The following FGF23 variants were observed in gnomAD, a reference collection of about 807,000 sequenced individuals.
FGF23 encodes the protein fibroblast growth factor 23.
A neutral mutation model predicts 9.0 loss-of-function variants in FGF23; 8 were observed. The ratio of observed to expected loss-of-function variants is 0.89; its 90% confidence interval spans 0.52 to 1.60. FGF23 has a LOEUF of 1.60. Among genes scored for constraint, FGF23 ranks in the 40% most tolerant of loss-of-function variants. The probability of loss-of-function intolerance (pLI) is 0.00; values close to 1 mark genes in which losing one functional copy is unlikely to be tolerated. For missense variants in FGF23, 311 were observed against 344.3 expected, an observed-to-expected ratio of 0.90 and a Z score of 0.77; for synonymous variants, 118 against 146.2, an observed-to-expected ratio of 0.81 and a Z score of 1.39.
intron 2 of FGF23, 82 bp from the exon 3 acceptor site, chr12:4,370,865 T>A: frequency 8.5e-7 from 1 of 1,179,340 alleles, no homozygotes; most frequent in Non-Finnish European, 1.3e-6. Flanking sequence ...GCCACATGCT[T>A]GTGCCAGCCG....
chr12:4,376,799 G>A (rs994518397), intron 1 of FGF23, among the ~76,000 whole-genome samples: 2 of 152,194 alleles, frequency 1.3e-5, no homozygotes, highest in South Asian at 4.1e-4. Context: ...GATTATACGC[G>A]TGAGCCACCG....
Position 4,369,983 on chromosome 12 carries a change from T to G in FGF23, c.*360A>C, listed in dbSNP as rs1388626634. Reference sequence around the variant, plus strand: ...AGGAACCCACTGCTTTTTTTTTTTTTTTTTTTTTTTTTTTTTTTTATGCTT... The same window carrying G: ...AGGAACCCACTGCTTTTTTTTTTTTGTTTTTTTTTTTTTTTTTTTATGCTT... On this transcript the variant is annotated 3_prime_UTR_variant, in exon 3 of 3. Transcript: ENST00000237837. The G allele has an allele frequency of 4.7e-6, 1 of 213,860 alleles. No homozygotes were observed. The highest frequency in any genetic ancestry group is 2.4e-5 in the African/African-American group (1 of 41,422). 13.2% of individuals were successfully genotyped at this position (213,860 alleles called of 1,614,324 possible).
intron 1 of FGF23, among the ~76,000 whole-genome samples, chr12:4,374,118 A>G (rs1331113310): frequency 6.6e-6 from 1 of 152,180 alleles, no homozygotes; most frequent in Admixed American, 6.5e-5. Flanking sequence ...CGCGGAACAG[A>G]GGGAATGAGG....
At position 4,370,770 on chromosome 12, in the gene FGF23, G is replaced by A. The variant is rs773591533; in HGVS notation, c.329C>T (p.Pro110Leu). The A allele has an allele frequency of 1.3e-5, 21 of 1,613,896 alleles. No homozygotes were observed. In the African/African-American group the frequency reaches 1.3e-4, roughly 10 times the overall value. Residue 110 changes from proline (P) to leucine (L), a missense_variant, in exon 3 of 3, where the codon CCG becomes CTG. By Grantham distance (98) the Pro-to-Leu change is moderately conservative. This residue lies in a region of FGF23 where 206 missense variants were observed against 219.2 expected (regional missense o/e 0.94). Transcript: ENST00000237837. Reference sequence around the variant, plus strand: ...CTGGTGTTGGAACCTGCAGTTCTCCGGGTCGAAATAGTGCTGGAAGGACAA... The same window carrying A: ...CTGGTGTTGGAACCTGCAGTTCTCCAGGTCGAAATAGTGCTGGAAGGACAA... ...GNIFGSHYFDPENCRFQHQTL... is the reference protein window; with the variant it reads ...GNIFGSHYFDLENCRFQHQTL...
chr12:4,378,831 A>T (rs1233636116), intron 1 of FGF23, among the ~76,000 whole-genome samples: 2 of 152,160 alleles, frequency 1.3e-5, no homozygotes, highest in Non-Finnish European at 2.9e-5. Context: ...TCACCAAGAC[A>T]ACATACATGG....
At chr12:4,377,390 T>TCTA (rs1293689639) in intron 1 of FGF23, among the ~76,000 whole-genome samples, 1 of 149,512 alleles carries the variant, frequency 6.7e-6, no homozygotes, top group Non-Finnish European at 1.5e-5. Flanking sequence ...TTTACCATAA[T>TCTA]CTACTATTCT....
At position 4,376,415 on chromosome 12, in the gene FGF23, T is replaced by C. The variant is rs892288300; in HGVS notation, c.211+2957A>G. On this transcript the variant is annotated intron_variant, in intron 1 of 2. Coordinates refer to ENST00000237837, the MANE Select transcript of FGF23 (RefSeq NM_020638.3). ...CTCACATTTTAGGTTTCCATCAGTG[T>C]AAAAACATTGCTTAACAGTCACTGA... 3.9e-5 allele frequency among the ~76,000 whole-genome samples: 6 copies of C among 152,230 alleles called. 1 individual carries two copies. The South Asian group carries it at 8.3e-4, about 21-fold the overall frequency.
chr12:4,370,328 G>A lies in FGF23; in HGVS notation c.*15C>T, dbSNP rs1294328875. The A allele has an allele frequency of 1.2e-6, 2 of 1,609,968 alleles. No homozygotes were observed. The highest frequency in any genetic ancestry group is 1.7e-6 in the Non-Finnish European group (2 of 1,177,926). On this transcript the variant is annotated 3_prime_UTR_variant, in exon 3 of 3. Coordinates refer to ENST00000237837, the MANE Select transcript of FGF23 (RefSeq NM_020638.3). ...TGCTGAGGGATGGGTTAAAGAGGGTGCCCTTCCAGCGACCCTAGATGAACT... is the reference window on the plus strand; with the variant it reads ...TGCTGAGGGATGGGTTAAAGAGGGTACCCTTCCAGCGACCCTAGATGAACT...
At position 4,370,585 on chromosome 12, in the gene FGF23, G is replaced by A; in HGVS notation, c.514C>T (p.Pro172Ser). 1 of 1,613,936 alleles carries A rather than the reference G, an allele frequency of 6.2e-7. No homozygotes were observed. The highest frequency in any genetic ancestry group is 8.5e-7 in the Non-Finnish European group (1 of 1,179,822). Residue 172 changes from proline to serine, a missense_variant, in exon 3 of 3, where the codon CCC becomes TCC. This residue lies in a region of FGF23 where 206 missense variants were observed against 219.2 expected (regional missense o/e 0.94). Coordinates refer to ENST00000237837, the MANE Select transcript of FGF23 (RefSeq NM_020638.3). Reference sequence around the variant, plus strand: ...CTCCGGGTGTGCCGCCGTGGTATGGGGGTGTTGAAGTGAATTAGGGGGATC... The same window carrying A: ...CTCCGGGTGTGCCGCCGTGGTATGGAGGTGTTGAAGTGAATTAGGGGGATC... ...NEIPLIHFNT[P>S]IPRRHTRSAE...
In FGF23 at chr12:4,379,523, G is replaced by T; in HGVS notation, c.60C>A (p.Ser20Arg). The T allele has an allele frequency of 6.2e-7, 1 of 1,612,476 alleles. No individual in the cohort carries two copies. ...VCALCSVCSM[S>R]VLRAYPNASP... ...AGGCATTGGGATAGGCTCTGAGGAC[G>T]CTCATGCTGCAGACGCTGCACAAGG... Residue 20 changes from serine to arginine, a missense_variant, in exon 1 of 3, where the codon AGC becomes AGA. Physicochemically the swap from Ser to Arg is moderately radical, Grantham distance 110. Coordinates refer to ENST00000237837, the MANE Select transcript of FGF23 (RefSeq NM_020638.3).
At chr12:4,376,374 A>T (rs1289586007) in intron 1 of FGF23, among the ~76,000 whole-genome samples, 1 of 152,228 alleles carries the variant, frequency 6.6e-6, no homozygotes, top group African/African-American at 2.4e-5. Context: ...GATAATTAGG[A>T]GGGGAAAAAA....
chr12:4,379,469 G>A lies in FGF23; in HGVS notation c.114C>T (p.Gly38=). 1.2e-6 allele frequency: 2 copies of A among 1,613,442 alleles called. No individual in the cohort carries two copies. The highest frequency in any genetic ancestry group is 3.3e-5 in the Admixed American group (2 of 60,028). Residue 38 remains glycine, a synonymous_variant, in exon 1 of 3, where the codon GGC becomes GGT. Transcript: ENST00000237837. The part of the protein sequence containing the change: ...ASPLLGSSWG[G]LIHLYTATAR... The stretch of plus-strand genomic sequence containing the variant: ...CTGTGGCTGTGTACAGGTGGATCAG[G>A]CCACCCCAGCTGGAGCCGAGCAGTG...
rs1865047897 is a variant in FGF23, at chr12:4,370,382, C to T, written c.717G>A (p.Thr239=). 1.2e-5 allele frequency: 19 copies of T among 1,613,590 alleles called. No individual in the cohort carries two copies. The highest frequency in any genetic ancestry group is 4.4e-5 in the South Asian group (4 of 91,090). ...CGAAGGGGCGGCAGCCTTCCGGGCCCGTTCCCCCAGCGTGCGTGTTCACTC... is the reference window on the plus strand; with the variant it reads ...CGAAGGGGCGGCAGCCTTCCGGGCCTGTTCCCCCAGCGTGCGTGTTCACTC... ...GGRVNTHAGG[T]GPEGCRPFAK... The change falls in exon 3 of 3, where the codon ACG becomes ACA. Residue 239 remains threonine (T), a synonymous_variant. Transcript: ENST00000237837.
In FGF23 at chr12:4,377,756, G is replaced by A. The variant is rs570964416; in HGVS notation, c.211+1616C>T. 1.6e-3 allele frequency among the ~76,000 whole-genome samples: 247 copies of A among 150,322 alleles called. 1 individual carries two copies. The highest frequency in any genetic ancestry group is 5.6e-3 in the African/African-American group (229 of 40,614). On this transcript the variant is annotated intron_variant, in intron 1 of 2. Coordinates refer to ENST00000237837, the MANE Select transcript of FGF23 (RefSeq NM_020638.3). ...ACATATAGTCTTGAATTAGAGTAAG[G>A]GTGTCCCCTCCATGAGACATGCAAA...
At chr12:4,378,758 ATGGAT>A (rs1476167774) in intron 1 of FGF23, among the ~76,000 whole-genome samples, 2 of 152,020 alleles carry the variant, frequency 1.3e-5, no homozygotes, top group Non-Finnish European at 2.9e-5. Context: ...GGATGGATGG[ATGGAT>A]GGATGGATGG....
Position 4,379,172 on chromosome 12 carries a change from G to C in FGF23, c.211+200C>G, listed in dbSNP as rs1865149673. 2.7e-5 allele frequency among the ~76,000 whole-genome samples: 4 copies of C among 150,204 alleles called. No homozygotes were observed. The Admixed American group carries it at 2.7e-4, about 10-fold the overall frequency. On this transcript the variant is annotated intron_variant, in intron 1 of 2. Transcript: ENST00000237837. Reference sequence around the variant, plus strand: ...GCAAATGCTAATTAGGAGAGTGACAGAATCTTCCCCTAAGTTTTAAATACA... The same window carrying C: ...GCAAATGCTAATTAGGAGAGTGACACAATCTTCCCCTAAGTTTTAAATACA...
Position 4,369,361 on chromosome 12 carries a change from C to A in FGF23, c.*982G>T. On this transcript the variant is annotated 3_prime_UTR_variant, in exon 3 of 3. Transcript: ENST00000237837. ...TCTCTCAAAGCCCCCTTCCCAGTCA[C>A]ATTTTTGTAGTTTGTTCAGAATGGA... 4.3e-6 allele frequency: 1 copy of A among 231,720 alleles called. No individual in the cohort carries two copies. The highest frequency in any genetic ancestry group is 8.5e-6 in the Non-Finnish European group (1 of 117,044). The allele number at this position is 231,720 out of a possible 1,614,324, so 14.4% of individuals were successfully genotyped here. A position where few individuals can be genotyped will look rare whatever the true frequency, so the allele number is the denominator to read the frequency against.
intron 1 of FGF23, among the ~76,000 whole-genome samples, chr12:4,375,692 C>CTAAG (rs1356830959): frequency 1.3e-5 from 2 of 152,192 alleles, no homozygotes; most frequent in African/African-American, 4.8e-5. Flanking sequence ...AGGTCTTTTA[C>CTAAG]TACCTGTCTG....
Position 4,370,782 on chromosome 12 carries a change from T to C in FGF23, c.317A>G (p.His106Arg). ...MDFRGNIFGS[H>R]YFDPENCRFQ... is the part of the protein sequence containing the mutation. The stretch of plus-strand genomic sequence containing the variant: ...CCTGCAGTTCTCCGGGTCGAAATAG[T>C]GCTGGAAGGACAAGAGCGAACCACG... The change falls in exon 3 of 3, where the codon CAC becomes CGC. Residue 106 changes from histidine to arginine, a missense_variant and splice_region_variant. This residue lies in a region of FGF23 where 206 missense variants were observed against 219.2 expected (regional missense o/e 0.94). Transcript: ENST00000237837. 6.2e-7 allele frequency: 1 copy of C among 1,613,848 alleles called. No homozygotes were observed. Among genetic ancestry groups the C allele is most frequent in the East Asian group, 2.2e-5 (1 of 44,866 alleles).
Sources: allele counts gnomAD v4.1 joint callset (sites outside exome capture counted in the v4.1 genomes callset), GRCh38; gene constraint gnomAD v4.1.1; regional missense constraint gnomAD v4.1.1; transcripts MANE v1.5; gene names NCBI Gene and HGNC (gene_info 2026-07-23, HGNC 2026-07-21).